The following DCDC1 variants were observed in gnomAD, a reference collection of about 807,000 sequenced individuals.
The protein encoded by DCDC1 is doublecortin domain-containing protein 1.
DCDC1 carries 200 observed loss-of-function variants against 178.3 expected under a neutral mutation model. The ratio of observed to expected loss-of-function variants is 1.12; its 90% CI spans 1.00 to 1.26. DCDC1 has a LOEUF of 1.26. DCDC1 is among the 50% of genes most tolerant of loss of function. The probability of loss-of-function intolerance (pLI) is 0.00; values close to 1 mark genes in which losing one functional copy is unlikely to be tolerated. For missense variants in DCDC1, 1,983 were observed against 1,749.2 expected (o/e 1.13, Z -2.38); for synonymous variants, 690 against 604.8 (o/e 1.14, Z -2.07).
intron 25 of DCDC1, among the ~76,000 whole-genome samples, chr11:30,918,297 A>G (rs547640407): frequency 6.6e-6 from 1 of 152,292 alleles, no homozygotes; most frequent in South Asian, 2.1e-4. Flanking sequence ...TTTTCAGTCC[A>G]TCTTGCTTTA....
chr11:31,167,603 A>C (rs749555132), intron 9 of DCDC1, among the ~76,000 whole-genome samples: 1 of 151,990 alleles, frequency 6.6e-6, no homozygotes, highest in Non-Finnish European at 1.5e-5. Context: ...AATCTATCTC[A>C]TCTATAATCT....
rs148850124 is a variant in DCDC1, at chr11:31,218,572, G to C, written c.1221+22878C>G. Among the ~76,000 whole-genome samples, 758 of 152,174 alleles carry C rather than the reference G, an allele frequency of 5.0e-3. 9 individuals carry two copies. The highest frequency in any genetic ancestry group is 0.017 in the African/African-American group (722 of 41,534). ...TATTGCCCAGTGTCCAATGACATTT[G>C]CAGAGAGCTTCCAGAACTAAATTTT... On this transcript the variant is annotated intron_variant, in intron 9 of 38. Coordinates refer to ENST00000684477, the MANE Select transcript of DCDC1 (RefSeq NM_001387274.1).
chr11:30,864,788 A>C lies in DCDC1; in HGVS notation c.*585T>G, dbSNP rs191774226. The C allele has an allele frequency of 1.2e-3, 176 of 152,232 alleles. 1 individual carries two copies. Among genetic ancestry groups the C allele is most frequent in the African/African-American group, 3.7e-3 (153 of 41,536 alleles). The allele number at this position is 152,232 out of a possible 1,614,324, so 9.4% of individuals were successfully genotyped here. A position where few individuals can be genotyped will look rare whatever the true frequency, so the allele number is the denominator to read the frequency against. On this transcript the variant is annotated 3_prime_UTR_variant, in exon 39 of 39. Transcript: ENST00000684477. ...ATAAGCCACACGATAAACTGGAAAA[A>C]TTTAGAGAATGTATACAGATTTCAC...
chr11:30,963,167 C>T (rs1228182844), intron 20 of DCDC1, among the ~76,000 whole-genome samples: 3 of 152,216 alleles, frequency 2.0e-5, no homozygotes, highest in South Asian at 4.1e-4. Flanking sequence ...CCACGCTAGG[C>T]ATTACAAGGA....
At chr11:31,184,521 A>C (rs2136306680) in intron 9 of DCDC1, among the ~76,000 whole-genome samples, 1 of 152,104 alleles carries the variant, frequency 6.6e-6, no homozygotes, top group South Asian at 2.1e-4. Flanking sequence ...ATGGAAGAAA[A>C]GTTTTCTAAT....
intron 3 of DCDC1, among the ~76,000 whole-genome samples, chr11:31,311,241 C>T (rs902342509): frequency 3.9e-5 from 6 of 152,148 alleles, no homozygotes; most frequent in African/African-American, 1.2e-4. Context: ...TACTGGCAAG[C>T]CTGCATATGG....
chr11:31,084,351 T>A (rs1957356091), intron 17 of DCDC1, among the ~76,000 whole-genome samples: 1 of 152,128 alleles, frequency 6.6e-6, no homozygotes, highest in Non-Finnish European at 1.5e-5. Flanking sequence ...ATGAAGATAT[T>A]TATTGTTATT....
At chr11:30,995,470 A>C (rs1344571741) in intron 20 of DCDC1, among the ~76,000 whole-genome samples, 3 of 152,172 alleles carry the variant, frequency 2.0e-5, no homozygotes, top group Non-Finnish European at 4.4e-5. Flanking sequence ...CTGAAAAAGA[A>C]CAATGGTAGA....
At chr11:31,288,569 T>C (rs1947005144) in intron 7 of DCDC1, among the ~76,000 whole-genome samples, 1 of 151,890 alleles carries the variant, frequency 6.6e-6, no homozygotes, top group Non-Finnish European at 1.5e-5. Context: ...TACCTTATTG[T>C]ACCACCCATT....
chr11:31,044,477 CAAA>C (rs34317259), intron 20 of DCDC1, among the ~76,000 whole-genome samples: 21 of 96,908 alleles, frequency 2.2e-4, no homozygotes, highest in Middle Eastern at 4.5e-3. Context: ...TACTCCATCT[CAAA>C]AAAAAAAAAA....
intron 20 of DCDC1, among the ~76,000 whole-genome samples, chr11:31,039,157 AC>A (rs1385840805): frequency 1.3e-5 from 2 of 152,280 alleles, no homozygotes; most frequent in African/African-American, 2.4e-5. Flanking sequence ...CCACTCTATG[AC>A]AGGTAATGTA....
intron 36 of DCDC1, among the ~76,000 whole-genome samples, chr11:30,881,672 AAGGTG>A (rs1490778763): frequency 6.6e-6 from 1 of 152,178 alleles, no homozygotes; most frequent in African/African-American, 2.4e-5. Flanking sequence ...TGAATGACAA[AAGGTG>A]AGGAGACCCA....
intron 18 of DCDC1, among the ~76,000 whole-genome samples, chr11:31,074,839 T>C (rs1331880253): frequency 6.6e-6 from 1 of 152,148 alleles, no homozygotes; most frequent in Non-Finnish European, 1.5e-5. Flanking sequence ...GAATGGATCA[T>C]AAAGGGTGAC....
At chr11:31,123,998 T>A (rs1342454688) in intron 11 of DCDC1, among the ~76,000 whole-genome samples, 1 of 152,084 alleles carries the variant, frequency 6.6e-6, no homozygotes. Flanking sequence ...TCTTTGCATA[T>A]GTAAATTTCC....
chr11:31,357,531 A>C (rs1404178364), intron 1 of DCDC1, among the ~76,000 whole-genome samples: 1 of 152,232 alleles, frequency 6.6e-6, no homozygotes, highest in African/African-American at 2.4e-5. Context: ...TTGGCACAAG[A>C]CAGGGATGCC....
chr11:30,982,597 T>C (rs1950446381), intron 20 of DCDC1, among the ~76,000 whole-genome samples: 1 of 152,212 alleles, frequency 6.6e-6, no homozygotes, highest in Non-Finnish European at 1.5e-5. Flanking sequence ...TTGCAGATTT[T>C]TTTCTGGTGT....
At chr11:31,115,996 T>TGGGGGGGGGGGGGGGG (rs1555066794) in intron 11 of DCDC1, among the ~76,000 whole-genome samples, 1 of 44,974 alleles carries the variant, frequency 2.2e-5, no homozygotes, top group Admixed American at 2.8e-4. Context: ...GGGGGGGGGA[T>TGGGGGGGGGGGGGGGG]GGGTATCTCA....
At chr11:31,160,215 T>C (rs1380328095) in intron 9 of DCDC1, among the ~76,000 whole-genome samples, 1 of 152,194 alleles carries the variant, frequency 6.6e-6, no homozygotes. Context: ...TTCAGTTATG[T>C]TGAAATAATT....
intron 1 of DCDC1, among the ~76,000 whole-genome samples, chr11:31,339,623 T>C (rs1950444310): frequency 6.6e-6 from 1 of 152,228 alleles, no homozygotes; most frequent in Admixed American, 6.5e-5. Context: ...TTTGCATTCA[T>C]AGTGCTTAAT....
Sources: gnomAD v4.1 joint callset for allele counts (sites outside exome capture counted in the v4.1 genomes callset) on GRCh38, gnomAD v4.1.1 for gene constraint, MANE v1.5 for transcripts, NCBI Gene and HGNC (gene_info 2026-07-23, HGNC 2026-07-21) for gene names.